MGAT5: variants seen among roughly 807,000 people sequenced by gnomAD.
MGAT5 encodes alpha-1,6-mannosylglycoprotein 6-beta-N-acetylglucosaminyltransferase A.
In MGAT5, 30 loss-of-function variants were observed where a neutral mutation model predicts 94.3. The observed-to-expected ratio is 0.32, with a 90% confidence interval of 0.24 to 0.43. The LOEUF is 0.43. Ranked by LOEUF, MGAT5 falls within the 20% of genes least tolerant of loss-of-function variation. The pLI is 1.00. For synonymous variants in MGAT5, 310 were observed against 322.9 expected (o/e 0.96, Z 0.43); for missense variants, 691 against 905.5 (o/e 0.76, Z 3.04).
At chr2:134,151,665 T>TCAC (rs1687188771) in intron 1 of MGAT5, among the ~76,000 whole-genome samples, 1 of 28,972 alleles carries the variant, frequency 3.5e-5, no homozygotes, top group Non-Finnish European at 6.0e-5. Flanking sequence ...ACCTCACTCA[T>TCAC]GCCCTGTGGG....
chr2:134,254,646 T>G lies in MGAT5; in HGVS notation c.241+2T>G. 6.2e-7 allele frequency: 1 copy of G among 1,614,136 alleles called. No homozygotes were observed. The highest frequency in any genetic ancestry group is 8.5e-7 in the Non-Finnish European group (1 of 1,180,000). On this transcript the variant is annotated splice_donor_variant, in intron 1 of 15. Coordinates refer to ENST00000281923, the MANE Select transcript of MGAT5 (RefSeq NM_002410.5). LOFTEE classifies it high-confidence loss of function. Reference sequence around the variant, plus strand: ...ACGCTGGAGTCATGACAGCTTATGGTAAGCACTGTTTCTGGGACCTCTCCA... The same window carrying G: ...ACGCTGGAGTCATGACAGCTTATGGGAAGCACTGTTTCTGGGACCTCTCCA...
chr2:134,344,281 A>T (rs1400886745), intron 7 of MGAT5, among the ~76,000 whole-genome samples: 1 of 152,194 alleles, frequency 6.6e-6, no homozygotes, highest in Non-Finnish European at 1.5e-5. Flanking sequence ...GATTAAAAAA[A>T]ACTGTAAACC....
rs74830952 is a variant in MGAT5, at chr2:134,431,449, A to C, written c.1869+3010A>C. 4.1e-3 allele frequency among the ~76,000 whole-genome samples: 620 copies of C among 152,318 alleles called. 5 individuals are homozygous for C. Among genetic ancestry groups the C allele is most frequent in the African/African-American group, 0.014 (582 of 41,570 alleles). ...CTCTGATGCCAGAAGGAAGATAGGA[A>C]GCCAAGACCCCATTGGTTCACAGAT... On this transcript the variant is annotated intron_variant, in intron 14 of 15. Coordinates refer to ENST00000281923, the MANE Select transcript of MGAT5 (RefSeq NM_002410.5).
intron 1 of MGAT5, among the ~76,000 whole-genome samples, chr2:134,205,659 G>A (rs1679992200): frequency 6.6e-6 from 1 of 152,204 alleles, no homozygotes; most frequent in Non-Finnish European, 1.5e-5. Context: ...ACCTTGTTCA[G>A]TTGAGGGGTC....
At chr2:134,345,183 T>C in intron 8 of MGAT5, 119 bp downstream of exon 8, 1 of 1,017,312 alleles carries the variant, frequency 9.8e-7, no homozygotes, top group Non-Finnish European at 1.4e-6. Flanking sequence ...GGAGTGTTGC[T>C]CATTCGTAAT....
At chr2:134,177,600 TACTC>T (rs1252429493) in intron 1 of MGAT5, among the ~76,000 whole-genome samples, 1 of 152,240 alleles carries the variant, frequency 6.6e-6, no homozygotes, top group Non-Finnish European at 1.5e-5. Context: ...ATCAGAATCT[TACTC>T]ACTATTGCAT....
intron 1 of MGAT5, among the ~76,000 whole-genome samples, chr2:134,158,827 C>G (rs1687596942): frequency 2.0e-5 from 3 of 152,190 alleles, no homozygotes. Flanking sequence ...TATTCTTACC[C>G]CTTCTCTTCC....
At chr2:134,161,098 A>G (rs1252824124) in intron 1 of MGAT5, among the ~76,000 whole-genome samples, 1 of 152,184 alleles carries the variant, frequency 6.6e-6, no homozygotes, top group Non-Finnish European at 1.5e-5. Context: ...CACCTGCACT[A>G]TTTGCCAGTG....
At chr2:134,132,366 T>C (rs983343039) in intron 1 of MGAT5, among the ~76,000 whole-genome samples, 5 of 152,194 alleles carry the variant, frequency 3.3e-5, no homozygotes, top group South Asian at 2.1e-4. Context: ...GAGTAAGAAA[T>C]ACATGCTGAA....
intron 1 of MGAT5, among the ~76,000 whole-genome samples, chr2:134,207,977 T>G (rs1052094856): frequency 6.6e-6 from 1 of 152,116 alleles, no homozygotes; most frequent in Non-Finnish European, 1.5e-5. Flanking sequence ...GTGAAAAGAC[T>G]TTGCGTTCTA....
chr2:134,358,020 C>T (rs1679856970), intron 9 of MGAT5, among the ~76,000 whole-genome samples: 1 of 152,046 alleles, frequency 6.6e-6, no homozygotes, highest in African/African-American at 2.4e-5. Flanking sequence ...GCAAAAACGG[C>T]ATGAATATGA....
chr2:134,225,102 A>C (rs1680992621), intron 1 of MGAT5, among the ~76,000 whole-genome samples: 1 of 140,442 alleles, frequency 7.1e-6, no homozygotes, highest in Non-Finnish European at 1.5e-5. Flanking sequence ...AAAAAAAAAA[A>C]TGCGGTGGAA....
At chr2:134,313,150 G>A (rs1686793424) in intron 2 of MGAT5, among the ~76,000 whole-genome samples, 2 of 151,438 alleles carry the variant, frequency 1.3e-5, no homozygotes, top group African/African-American at 4.9e-5. Flanking sequence ...AATGTGAAAT[G>A]CCATTGTTTC....
intron 2 of MGAT5, among the ~76,000 whole-genome samples, chr2:134,316,521 G>T (rs780951971): frequency 6.6e-6 from 1 of 151,998 alleles, no homozygotes; most frequent in Non-Finnish European, 1.5e-5. Flanking sequence ...ATTGTTCATT[G>T]TTCATTTATT....
intron 10 of MGAT5, among the ~76,000 whole-genome samples, chr2:134,399,036 A>G (rs62170196): frequency 0.23 from 35,595 of 152,196 alleles, 4,968 homozygotes; most frequent in African/African-American, 0.39. Flanking sequence ...TATATTGTCT[A>G]TTTCAGATTA....
At chr2:134,394,308 C>T (rs190925889) in intron 10 of MGAT5, among the ~76,000 whole-genome samples, 19 of 152,104 alleles carry the variant, frequency 1.2e-4, no homozygotes, top group Admixed American at 6.5e-4. Context: ...TGTGTGTGTT[C>T]GTATTTTTAT....
At chr2:134,411,763 G>A (rs1574044576) in intron 11 of MGAT5, among the ~76,000 whole-genome samples, 1 of 152,200 alleles carries the variant, frequency 6.6e-6, no homozygotes, top group African/African-American at 2.4e-5. Context: ...AAAAGACCGA[G>A]GGAAAAACAG....
chr2:134,124,753 T>C (rs949981154), intron 1 of MGAT5, among the ~76,000 whole-genome samples: 1 of 152,222 alleles, frequency 6.6e-6, no homozygotes, highest in African/African-American at 2.4e-5. Context: ...TACTGGTGCT[T>C]GCAATAGGTT....
intron 2 of MGAT5, among the ~76,000 whole-genome samples, chr2:134,305,784 A>G (rs1235442537): frequency 6.6e-6 from 1 of 152,108 alleles, no homozygotes; most frequent in Non-Finnish European, 1.5e-5. Context: ...TCTTCTAGTA[A>G]ACTGCATGTG....
Sources: allele counts gnomAD v4.1 joint callset (sites outside exome capture counted in the v4.1 genomes callset), GRCh38; gene constraint gnomAD v4.1.1; transcripts MANE v1.5; gene names NCBI Gene and HGNC (gene_info 2026-07-23, HGNC 2026-07-21).